Variants in HAPLN1 observed in about 807,000 individuals in gnomAD.
The protein encoded by HAPLN1 is Cartilage link protein.
HAPLN1 carries 13 observed loss-of-function variants against 36.5 expected under a neutral mutation model. The observed-to-expected ratio is 0.36, with a 90% CI of 0.23 to 0.57. HAPLN1 has a LOEUF of 0.57. Ranked by LOEUF, HAPLN1 falls within the 20% of genes least tolerant of loss-of-function variation. HAPLN1 has a pLI of 0.83. For synonymous variants in HAPLN1, 202 were observed against 169.8 expected (o/e 1.19, Z -1.48); for missense variants, 407 against 439.7 (o/e 0.93, Z 0.66).
At chr5:83,710,533 A>T (rs1209733950) in intron 1 of HAPLN1, among the ~76,000 whole-genome samples, 1 of 152,156 alleles carries the variant, frequency 6.6e-6, no homozygotes. Flanking sequence ...GACAGTGAAC[A>T]TAGGTAGTTC....
chr5:83,662,385 T>A (rs1750429919), intron 2 of HAPLN1, among the ~76,000 whole-genome samples: 1 of 152,240 alleles, frequency 6.6e-6, no homozygotes, highest in Non-Finnish European at 1.5e-5. Context: ...AGTATCTTTG[T>A]CAACTTAGAG....
In HAPLN1 at chr5:83,720,814, A is replaced by T. The variant is rs1580172466; in HGVS notation, c.-52T>A. On this transcript the variant is annotated 5_prime_UTR_variant, in exon 1 of 5. Coordinates refer to ENST00000274341, the MANE Select transcript of HAPLN1 (RefSeq NM_001884.4). ...CTTGTCCTGAAATCCAGGAGTTCGG[A>T]TGCTCTCAAGTTCTGCTTAAGTTGG... 3 of 152,354 alleles carry T rather than the reference A, an allele frequency of 2.0e-5. No homozygotes were observed. The highest frequency in any genetic ancestry group is 3.9e-4 in the East Asian group (2 of 5,182). The allele number at this position is 152,354 out of a possible 1,614,324, so 9.4% of individuals were successfully genotyped here. A position where few individuals can be genotyped will look rare whatever the true frequency, so the allele number is the denominator to read the frequency against.
chr5:83,717,503 C>T (rs1338410901), intron 1 of HAPLN1, among the ~76,000 whole-genome samples: 1 of 152,196 alleles, frequency 6.6e-6, no homozygotes, highest in African/African-American at 2.4e-5. Flanking sequence ...AGGCATTTTA[C>T]CTTCCTATAT....
intron 1 of HAPLN1, among the ~76,000 whole-genome samples, chr5:83,704,755 C>G (rs1751589100): frequency 6.6e-6 from 1 of 152,124 alleles, no homozygotes; most frequent in Non-Finnish European, 1.5e-5. Context: ...ATTCATAAAG[C>G]AAATTCTTAG....
At chr5:83,708,292 C>T (rs1254179245) in intron 1 of HAPLN1, among the ~76,000 whole-genome samples, 1 of 152,102 alleles carries the variant, frequency 6.6e-6, no homozygotes. Context: ...TTGACAATAG[C>T]AAAGACATGA....
chr5:83,720,395 C>T (rs909194044), intron 1 of HAPLN1, among the ~76,000 whole-genome samples: 5 of 152,204 alleles, frequency 3.3e-5, no homozygotes, highest in Admixed American at 6.5e-5. Flanking sequence ...CCTGGCTGGA[C>T]ATTCCCATTC....
At chr5:83,647,802 C>T (rs1749916392) in intron 3 of HAPLN1, among the ~76,000 whole-genome samples, 1 of 151,944 alleles carries the variant, frequency 6.6e-6, no homozygotes, top group Admixed American at 6.6e-5. Flanking sequence ...TTAATAATTA[C>T]ATAAAGTAAA....
intron 1 of HAPLN1, among the ~76,000 whole-genome samples, chr5:83,705,703 A>G (rs1751625793): frequency 6.6e-6 from 1 of 152,192 alleles, no homozygotes; most frequent in Non-Finnish European, 1.5e-5. Context: ...AAGCTAGCAG[A>G]AGACAAAAAA....
At chr5:83,670,976 A>G (rs1750701514) in intron 2 of HAPLN1, among the ~76,000 whole-genome samples, 1 of 152,048 alleles carries the variant, frequency 6.6e-6, no homozygotes, top group South Asian at 2.1e-4. Flanking sequence ...TACAGGTATG[A>G]GCCACCATGC....
intron 3 of HAPLN1, among the ~76,000 whole-genome samples, chr5:83,644,994 C>T (rs1749814181): frequency 6.6e-6 from 1 of 152,130 alleles, no homozygotes; most frequent in Admixed American, 6.5e-5. Context: ...TTACCATTTG[C>T]TGCCAGTTAC....
chr5:83,716,118 A>G (rs1561327859), intron 1 of HAPLN1, among the ~76,000 whole-genome samples: 2 of 152,224 alleles, frequency 1.3e-5, no homozygotes, highest in African/African-American at 4.8e-5. Context: ...AATGAGAAAA[A>G]AAATTCACAG....
intron 3 of HAPLN1, among the ~76,000 whole-genome samples, chr5:83,649,248 C>G (rs890236658): frequency 1.3e-5 from 2 of 152,062 alleles, no homozygotes; most frequent in Non-Finnish European, 2.9e-5. Context: ...AAAAGTTAAA[C>G]ATTCTTATCC....
chr5:83,644,704 A>C (rs746684193), intron 3 of HAPLN1, 39 bp from the exon 4 acceptor site: 7 of 1,369,664 alleles, frequency 5.1e-6, no homozygotes, highest in South Asian at 4.0e-5. Context: ...TAGAAGCCCC[A>C]AAACTAACAA....
rs377757668 is a variant in HAPLN1 at position 83,701,182 on chromosome 5, T to C, written c.-27+19607A>G. On this transcript the variant is annotated intron_variant, in intron 1 of 4. Transcript: ENST00000274341. The stretch of plus-strand genomic sequence containing the variant: ...GAACCATCTGCAAAATTTGGAACGA[T>C]GTGACAAAAATAACAAAATTTTGCA... 3.7e-4 allele frequency among the ~76,000 whole-genome samples: 57 copies of C among 152,338 alleles called. 1 individual carries two copies. In the South Asian group the frequency reaches 0.012, roughly 31 times the overall value.
At chr5:83,696,659 C>T (rs1332375009) in intron 1 of HAPLN1, among the ~76,000 whole-genome samples, 3 of 151,994 alleles carry the variant, frequency 2.0e-5, no homozygotes, top group African/African-American at 4.8e-5. Context: ...TTTATTTCTA[C>T]CAATAGATTG....
chr5:83,690,324 C>T (rs1449063769), intron 1 of HAPLN1, among the ~76,000 whole-genome samples: 6 of 152,036 alleles, frequency 3.9e-5, no homozygotes, highest in East Asian at 1.9e-4. Context: ...CCACCCAAGG[C>T]GATCATAAAA....
At position 83,663,398 on chromosome 5, in the gene HAPLN1, T is replaced by A. The variant is rs76626631; in HGVS notation, c.100+10026A>T. 8.9e-3 allele frequency among the ~76,000 whole-genome samples: 1,360 copies of A among 152,304 alleles called. 27 individuals carry two copies. Among genetic ancestry groups the A allele is most frequent in the African/African-American group, 0.031 (1,302 of 41,556 alleles). ...TGAATATGTGCCCTCTGCATTTTCC[T>A]TTATCCCACCTGTCGGTATTGAGGG... On this transcript the variant is annotated intron_variant, in intron 2 of 4. Coordinates refer to ENST00000274341, the MANE Select transcript of HAPLN1 (RefSeq NM_001884.4).
chr5:83,648,395 CTATA>C (rs56115447), intron 3 of HAPLN1, among the ~76,000 whole-genome samples: 5,221 of 60,062 alleles, frequency 0.087, 235 homozygotes, highest in Admixed American at 0.13. Flanking sequence ...CTATATTTGA[CTATA>C]TATATATATA....
intron 1 of HAPLN1, among the ~76,000 whole-genome samples, chr5:83,677,736 G>C (rs1750891456): frequency 6.6e-6 from 1 of 152,132 alleles, no homozygotes; most frequent in Non-Finnish European, 1.5e-5. Context: ...AAGTATTCTT[G>C]AACAAGTATA....
Sources: gnomAD v4.1 joint callset for allele counts (sites outside exome capture counted in the v4.1 genomes callset) on GRCh38, gnomAD v4.1.1 for gene constraint, MANE v1.5 for transcripts, NCBI Gene and HGNC (gene_info 2026-07-23, HGNC 2026-07-21) for gene names.